MAN2B2: variants seen among roughly 807,000 people sequenced by gnomAD.
MAN2B2 encodes the protein epididymis-specific alpha-mannosidase.
Under a neutral mutation model 117.1 loss-of-function variants are expected in MAN2B2, and 106 were observed. That is an observed-to-expected ratio of 0.90 (90% CI 0.77 to 1.06). The LOEUF (loss-of-function observed/expected upper bound fraction) is 1.06. MAN2B2 is among the 50% of genes least tolerant of loss of function. The pLI is 0.00. For synonymous variants in MAN2B2, 544 were observed against 595.1 expected, an observed-to-expected ratio of 0.91 and a Z score of 1.25; for missense variants, 1,326 against 1,381.4, an observed-to-expected ratio of 0.96 and a Z score of 0.64.
At chr4:6,602,403 T>G (rs1214628706) in intron 10 of MAN2B2, among the ~76,000 whole-genome samples, 1 of 152,338 alleles carries the variant, frequency 6.6e-6, no homozygotes, top group East Asian at 1.9e-4. Context: ...TGTCCTCACA[T>G]GGCACAAGAG....
intron 11 of MAN2B2, among the ~76,000 whole-genome samples, chr4:6,607,101 TG>T: frequency 6.6e-6 from 1 of 152,228 alleles, no homozygotes; most frequent in Non-Finnish European, 1.5e-5. Flanking sequence ...CCACGGGCCC[TG>T]GCAATCCTAG....
chr4:6,609,749 T>C (rs746367533), intron 12 of MAN2B2, 49 bp from the exon 13 acceptor site: 1 of 1,239,982 alleles, frequency 8.1e-7, no homozygotes, highest in South Asian at 1.2e-5. Context: ...AAAGGAAGCA[T>C]CTAGAAGGTT....
chr4:6,593,240 A>T lies in MAN2B2; in HGVS notation c.748A>T (p.Met250Leu). The change falls in exon 6 of 19, where the codon ATG (methionine) becomes TTG (leucine). Residue 250 changes from methionine to leucine, a missense_variant. Physicochemically the swap from Met to Leu is conservative, Grantham distance 15. Transcript: ENST00000285599. ...TCCCCAAGATGGGGTGTACCCCAAC[A>T]TGAGTGAGCCTGTCACCCCAGCCAA... The part of the protein sequence containing the change: ...KPPQDGVYPN[M>L]SEPVTPANIN... 1 of 1,613,966 alleles carries T rather than the reference A, an allele frequency of 6.2e-7. No homozygotes were observed.
intron 4 of MAN2B2, among the ~76,000 whole-genome samples, chr4:6,587,698 T>A (rs1726688645): frequency 6.6e-6 from 1 of 151,960 alleles, no homozygotes. Flanking sequence ...CATTTCTTTT[T>A]CTTTTCTTTT....
At chr4:6,608,895 C>T (rs4689486) in intron 11 of MAN2B2, among the ~76,000 whole-genome samples, 26,437 of 152,156 alleles carry the variant, frequency 0.17, 2,423 homozygotes, top group Admixed American at 0.25. Flanking sequence ...CTGTCCGTCT[C>T]CTCGTTTGTG....
At chr4:6,602,379 G>A (rs1327657573) in intron 10 of MAN2B2, among the ~76,000 whole-genome samples, 5 of 152,190 alleles carry the variant, frequency 3.3e-5, no homozygotes, top group Non-Finnish European at 7.4e-5. Flanking sequence ...CTTCCTGCTT[G>A]CCATCTTCCT....
rs547501233 is a variant in MAN2B2 at position 6,617,926 on chromosome 4, C to T, written c.2814+434C>T. The T allele has an allele frequency of 2.3e-3, 404 of 179,330 alleles. 1 individual carries two copies. The highest frequency in any genetic ancestry group is 4.0e-3 in the Non-Finnish European group (351 of 86,830). The allele number at this position is 179,330 out of a possible 1,614,324, so 11.1% of individuals were successfully genotyped here. On this transcript the variant is annotated intron_variant, in intron 17 of 18. Coordinates refer to ENST00000285599, the MANE Select transcript of MAN2B2 (RefSeq NM_015274.3). ...GCAATGGTGCGCTCTCAGCTGGCTG[C>T]AACCTCCATCTCCCAGGTTCAAGTG... is the stretch of plus-strand genomic sequence containing the variant.
chr4:6,607,226 G>T (rs886448097), intron 11 of MAN2B2, among the ~76,000 whole-genome samples: 21 of 152,156 alleles, frequency 1.4e-4, no homozygotes, highest in African/African-American at 4.3e-4. Context: ...GATTGATTGA[G>T]AGAGTCTCAC....
chr4:6,578,173 T>C (rs1726141957), intron 2 of MAN2B2, among the ~76,000 whole-genome samples: 1 of 152,200 alleles, frequency 6.6e-6, no homozygotes, highest in Admixed American at 6.5e-5. Flanking sequence ...AAATCTTATA[T>C]ATACAAATAT....
Position 6,619,912 on chromosome 4 carries a change from C to T in MAN2B2, c.2815-15C>T, listed in dbSNP as rs1712079081. ...CTTGGTGCAGCTCACTCTCCCTCTG[C>T]TCCTCTCCCTGCAGGCTGTGCTGCA... On this transcript the variant is annotated splice_polypyrimidine_tract_variant and intron_variant, in intron 17 of 18. Transcript: ENST00000285599. 2 of 1,609,408 alleles carry T rather than the reference C, an allele frequency of 1.2e-6. No homozygotes were observed. The highest frequency in any genetic ancestry group is 1.3e-5 in the African/African-American group (1 of 74,844).
chr4:6,603,918 C>A (rs1727430508), intron 10 of MAN2B2, among the ~76,000 whole-genome samples: 1 of 152,100 alleles, frequency 6.6e-6, no homozygotes, highest in African/African-American at 2.4e-5. Flanking sequence ...ATTGGGGGGG[C>A]CTCCCCACTG....
chr4:6,610,065 G>GC lies in MAN2B2; in HGVS notation c.2259+18dup. ...GCATCGCCCGGGTATGTCCTGCAAT[G>GC]CCCACAAGGCACGCTCCCAATGGCG... On this transcript the variant is annotated intron_variant, in intron 13 of 18. Coordinates refer to ENST00000285599, the MANE Select transcript of MAN2B2 (RefSeq NM_015274.3). The GC allele has an allele frequency of 1.2e-6, 2 of 1,613,270 alleles. No individual in the cohort carries two copies. The highest frequency in any genetic ancestry group is 1.7e-6 in the Non-Finnish European group (2 of 1,179,392).
chr4:6,601,838 G>A lies in MAN2B2; in HGVS notation c.1539+1082G>A, dbSNP rs192857550. On this transcript the variant is annotated intron_variant, in intron 10 of 18. Coordinates refer to ENST00000285599, the MANE Select transcript of MAN2B2 (RefSeq NM_015274.3). ...AGAGTCCCTGAGGTCACACAGCTGC[G>A]AGGTGGCAAACTCCCAACCTCCAAA... is the stretch of plus-strand genomic sequence containing the variant. Among the ~76,000 whole-genome samples the A allele has an allele frequency of 1.5e-3, 230 of 152,318 alleles. 1 individual carries two copies. Among genetic ancestry groups the A allele is most frequent in the Non-Finnish European group, 2.6e-3 (177 of 68,032 alleles).
intron 2 of MAN2B2, among the ~76,000 whole-genome samples, chr4:6,577,713 G>A (rs1274983207): frequency 2.0e-5 from 3 of 152,220 alleles, no homozygotes. Flanking sequence ...TCTTCAGGTG[G>A]ACCCCACCAA....
Position 6,597,223 on chromosome 4 carries a change from C to T in MAN2B2, c.1168C>T (p.Leu390=), listed in dbSNP as rs1371097912. Residue 390 remains leucine, a synonymous_variant, in exon 8 of 19, where the codon CTG becomes TTG. Transcript: ENST00000285599. ...YAGESMFTRY[L]WPAPRGHLDP... is the part of the protein sequence containing the mutation. ...CGGGGAGTCCATGTTCACACGCTACCTGTGGCCGGCCCCCCGTGGGCATCT... is the reference window on the plus strand; with the variant it reads ...CGGGGAGTCCATGTTCACACGCTACTTGTGGCCGGCCCCCCGTGGGCATCT... The T allele has an allele frequency of 2.5e-6, 4 of 1,607,834 alleles. No homozygotes were observed. Among genetic ancestry groups the T allele is most frequent in the African/African-American group, 1.3e-5 (1 of 74,748 alleles).
At chr4:6,583,415 T>C (rs1175870859) in intron 3 of MAN2B2, among the ~76,000 whole-genome samples, 1 of 151,634 alleles carries the variant, frequency 6.6e-6, no homozygotes, top group African/African-American at 2.4e-5. Context: ...CAAGAAGGAG[T>C]GTGTGGTTCT....
intron 3 of MAN2B2, among the ~76,000 whole-genome samples, chr4:6,578,964 T>TCACCAC (rs374472281): frequency 0.056 from 8,079 of 144,450 alleles, 292 homozygotes; most frequent in South Asian, 0.1. Context: ...ACTACTACCA[T>TCACCAC]CACCACCACC....
intron 6 of MAN2B2, 74 bp downstream of exon 6, chr4:6,593,424 C>T: frequency 6.9e-7 from 1 of 1,443,638 alleles, no homozygotes; most frequent in Non-Finnish European, 9.2e-7. Flanking sequence ...TCCCTGCACC[C>T]AGGGCCACCC....
At chr4:6,588,979 C>A in intron 4 of MAN2B2, 66 bp from the exon 5 acceptor site, 2 of 1,224,312 alleles carry the variant, frequency 1.6e-6, no homozygotes, top group Non-Finnish European at 2.4e-6. Flanking sequence ...CCAGATGGGG[C>A]TGAGGGAAGT....
Sources: allele counts gnomAD v4.1 joint callset (sites outside exome capture counted in the v4.1 genomes callset), GRCh38; gene constraint gnomAD v4.1.1; transcripts MANE v1.5; gene names NCBI Gene and HGNC (gene_info 2026-07-23, HGNC 2026-07-21).